GDPD5: variants seen among roughly 807,000 people sequenced by gnomAD.
GDPD5 encodes the protein glycerophosphodiester phosphodiesterase 2.
A neutral mutation model predicts 75.1 loss-of-function variants in GDPD5; 48 were observed. The ratio of observed to expected loss-of-function variants is 0.64; its 90% CI spans 0.51 to 0.81. The LOEUF is 0.81. GDPD5 is among the 40% of genes least tolerant of loss of function. The pLI is 0.00. For missense variants in GDPD5, 706 were observed against 822.6 expected (o/e 0.86, Z 1.73); for synonymous variants, 336 against 339.0 (o/e 0.99, Z 0.10).
At chr11:75,481,810 T>C (rs1436707830) in intron 2 of GDPD5, among the ~76,000 whole-genome samples, 4 of 152,014 alleles carry the variant, frequency 2.6e-5, no homozygotes, top group South Asian at 4.1e-4. Context: ...GGGTGCAATG[T>C]GGAAAGAAGC....
At chr11:75,451,150 G>A (rs1949139871) in intron 6 of GDPD5, 1 of 152,258 alleles carries the variant, frequency 6.6e-6, no homozygotes, top group Non-Finnish European at 1.5e-5. Flanking sequence ...CCCTACCCAG[G>A]GACCTTCACT....
intron 1 of GDPD5, among the ~76,000 whole-genome samples, chr11:75,491,608 T>C (rs1220555808): frequency 6.6e-6 from 1 of 151,378 alleles, no homozygotes; most frequent in East Asian, 1.9e-4. Context: ...GTCAAGAGCA[T>C]GGGACCTGGA....
Position 75,444,402 on chromosome 11 carries a change from G to A in GDPD5, c.797+11C>T, listed in dbSNP as rs1280999171. 9.4e-6 allele frequency: 15 copies of A among 1,603,862 alleles called. No homozygotes were observed. Among genetic ancestry groups the A allele is most frequent in the African/African-American group, 2.7e-5 (2 of 74,694 alleles). On this transcript the variant is annotated intron_variant, in intron 10 of 16. Transcript: ENST00000336898. ...GGGGTAGAGGAACTATCTCCCCTCC[G>A]CTACACCTACCTGATGGTAATGTCA...
Position 75,435,565 on chromosome 11 carries a change from A to G in GDPD5, c.1760T>C (p.Val587Ala). ...GTGGCTGCCACCCCCTCGGGGGCCC[A>G]CAGGGGTGGCGGTGCTGTTGGCATA... ...DTYANSTATPVGPRGGGSHTK... is the reference protein window; with the variant it reads ...DTYANSTATPAGPRGGGSHTK... Residue 587 changes from valine to alanine, a missense_variant, in exon 17 of 17, where the codon GTG becomes GCG. By Grantham distance (64) the Val-to-Ala change is moderately conservative. Coordinates refer to ENST00000336898, the MANE Select transcript of GDPD5 (RefSeq NM_030792.8). 4 of 1,613,388 alleles carry G rather than the reference A, an allele frequency of 2.5e-6. No individual in the cohort carries two copies. The highest frequency in any genetic ancestry group is 3.4e-6 in the Non-Finnish European group (4 of 1,179,724).
At chr11:75,463,456 G>A (rs59965355) in intron 3 of GDPD5, among the ~76,000 whole-genome samples, 1 of 152,162 alleles carries the variant, frequency 6.6e-6, no homozygotes, top group Non-Finnish European at 1.5e-5. Flanking sequence ...GTGGGGTGGC[G>A]GGGGACACTG....
intron 3 of GDPD5, among the ~76,000 whole-genome samples, chr11:75,463,269 G>C (rs559769906): frequency 6.4e-4 from 97 of 152,306 alleles, no homozygotes; most frequent in Non-Finnish European, 1.2e-3. Context: ...TACAAAGCAG[G>C]CACTCTTCTT....
intron 1 of GDPD5, among the ~76,000 whole-genome samples, chr11:75,516,424 G>A (rs968312564): frequency 5.3e-5 from 8 of 152,362 alleles, no homozygotes; most frequent in South Asian, 2.1e-4. Flanking sequence ...CCCAGGCAAG[G>A]AGACCAAGCA....
intron 1 of GDPD5, among the ~76,000 whole-genome samples, chr11:75,498,426 G>A (rs1362021558): frequency 6.6e-6 from 1 of 151,598 alleles, no homozygotes; most frequent in Non-Finnish European, 1.5e-5. Flanking sequence ...GGCCACAGTG[G>A]CTTTGATGTC....
intron 2 of GDPD5, among the ~76,000 whole-genome samples, chr11:75,487,428 G>A (rs941398641): frequency 1.3e-5 from 2 of 152,220 alleles, no homozygotes; most frequent in African/African-American, 4.8e-5. Context: ...GGCAGGGAGA[G>A]AGGCTTTGAG....
intron 3 of GDPD5, among the ~76,000 whole-genome samples, chr11:75,473,024 G>A (rs969370864): frequency 3.9e-5 from 6 of 152,056 alleles, no homozygotes; most frequent in South Asian, 2.1e-4. Context: ...ATTCCAAGCA[G>A]AGGGAATGGC....
chr11:75,460,402 A>T (rs1448470614), intron 4 of GDPD5, among the ~76,000 whole-genome samples: 1 of 152,012 alleles, frequency 6.6e-6, no homozygotes, highest in African/African-American at 2.4e-5. Context: ...CCTCATGTTT[A>T]GGTAGAGCTT....
At chr11:75,495,848 C>A (rs1053929018) in intron 1 of GDPD5, among the ~76,000 whole-genome samples, 1 of 152,218 alleles carries the variant, frequency 6.6e-6, no homozygotes, top group Non-Finnish European at 1.5e-5. Context: ...GGGGCCTAGA[C>A]CCCCTGTGCT....
At chr11:75,452,721 G>A (rs1425145673) in intron 6 of GDPD5, 1 of 152,278 alleles carries the variant, frequency 6.6e-6, no homozygotes, top group East Asian at 1.9e-4. Context: ...TTCACCAGGA[G>A]AGGTGATGAA....
chr11:75,493,842 T>C (rs1950159262), intron 1 of GDPD5, among the ~76,000 whole-genome samples: 2 of 152,190 alleles, frequency 1.3e-5, no homozygotes, highest in Non-Finnish European at 2.9e-5. Context: ...CTGCTCCAAT[T>C]TGTGGTTCTA....
At chr11:75,501,064 T>C (rs1284255221) in intron 1 of GDPD5, among the ~76,000 whole-genome samples, 1 of 152,202 alleles carries the variant, frequency 6.6e-6, no homozygotes, top group East Asian at 1.9e-4. Context: ...CAGGGTCTGA[T>C]CTGACCCTGG....
intron 1 of GDPD5, among the ~76,000 whole-genome samples, chr11:75,520,159 C>A (rs981263673): frequency 2.0e-5 from 3 of 152,216 alleles, no homozygotes; most frequent in Admixed American, 2.0e-4. Context: ...GGGAAGGCCT[C>A]CCTGCCATCT....
At chr11:75,453,081 C>T (rs1257010222) in intron 6 of GDPD5, 1 of 152,198 alleles carries the variant, frequency 6.6e-6, no homozygotes, top group East Asian at 1.9e-4. Flanking sequence ...CTCCCAAGAA[C>T]CCTTCAGCCT....
At chr11:75,515,472 G>A (rs1021889480) in intron 1 of GDPD5, among the ~76,000 whole-genome samples, 2 of 152,200 alleles carry the variant, frequency 1.3e-5, no homozygotes, top group African/African-American at 4.8e-5. Flanking sequence ...CTTGCTGCAC[G>A]GCCTGTCCCA....
chr11:75,436,927 G>T lies in GDPD5; in HGVS notation c.1669+9C>A. ...GGGCCTGCCTCCACCTGTCTGCAGGGCTGTGTACCTGAGAAAATAAGCTTC... is the reference window on the plus strand; with the variant it reads ...GGGCCTGCCTCCACCTGTCTGCAGGTCTGTGTACCTGAGAAAATAAGCTTC... On this transcript the variant is annotated intron_variant, in intron 16 of 16. Coordinates refer to ENST00000336898, the MANE Select transcript of GDPD5 (RefSeq NM_030792.8). 1.2e-6 allele frequency: 2 copies of T among 1,607,182 alleles called. No homozygotes were observed. The highest frequency in any genetic ancestry group is 1.1e-5 in the South Asian group (1 of 90,902).
Sources: gnomAD v4.1 joint callset for allele counts (sites outside exome capture counted in the v4.1 genomes callset) on GRCh38, gnomAD v4.1.1 for gene constraint, MANE v1.5 for transcripts, NCBI Gene and HGNC (gene_info 2026-07-23, HGNC 2026-07-21) for gene names.